The following CSMD2 variants were observed in gnomAD, a reference collection of about 807,000 sequenced individuals.
CSMD2 encodes CUB and sushi domain-containing protein 2.
In CSMD2, 130 loss-of-function variants were observed where a neutral mutation model predicts 398.5. The ratio of observed to expected loss-of-function variants is 0.33; its 90% CI spans 0.28 to 0.38. The LOEUF is 0.38. Among genes scored for constraint, CSMD2 ranks in the 10% least tolerant of loss-of-function variants. The pLI is 1.00. For synonymous variants in CSMD2, 1,828 were observed against 1,908.5 expected (o/e 0.96, Z 1.10); for missense variants, 3,829 against 4,764.9 (o/e 0.80, Z 5.78).
chr1:33,551,567 C>A (rs1657447754), intron 55 of CSMD2, among the ~76,000 whole-genome samples: 1 of 152,160 alleles, frequency 6.6e-6, no homozygotes, highest in Admixed American at 6.5e-5. Flanking sequence ...CCAGTGCTGA[C>A]CCTGATGATG....
intron 2 of CSMD2, among the ~76,000 whole-genome samples, chr1:34,039,318 T>C (rs767725874): frequency 6.6e-6 from 1 of 152,140 alleles, no homozygotes; most frequent in Non-Finnish European, 1.5e-5. Flanking sequence ...TGAATTCCCT[T>C]CCCCTTATCC....
At chr1:33,789,948 T>C (rs562748280) in intron 11 of CSMD2, among the ~76,000 whole-genome samples, 60 of 152,354 alleles carry the variant, frequency 3.9e-4, no homozygotes, top group African/African-American at 1.3e-3. Flanking sequence ...GGGCAAGTGG[T>C]TGAGCCTCTC....
chr1:33,884,350 A>G (rs1488651335), intron 5 of CSMD2, among the ~76,000 whole-genome samples: 1 of 149,412 alleles, frequency 6.7e-6, no homozygotes, highest in Non-Finnish European at 1.5e-5. Flanking sequence ...TTAAGATGCC[A>G]TCACCCCAGG....
chr1:33,990,580 T>C (rs1454365385), intron 3 of CSMD2, among the ~76,000 whole-genome samples: 1 of 152,146 alleles, frequency 6.6e-6, no homozygotes, highest in Non-Finnish European at 1.5e-5. Flanking sequence ...TTCCACACCC[T>C]GGGGAGAGGC....
At chr1:33,649,902 G>A (rs562582190) in intron 28 of CSMD2, among the ~76,000 whole-genome samples, 4 of 152,252 alleles carry the variant, frequency 2.6e-5, no homozygotes, top group Admixed American at 2.6e-4. Context: ...GGGGGACTGG[G>A]AGGCACGGGG....
At chr1:33,745,062 A>C (rs1470813296) in intron 13 of CSMD2, among the ~76,000 whole-genome samples, 1 of 152,258 alleles carries the variant, frequency 6.6e-6, no homozygotes, top group African/African-American at 2.4e-5. Flanking sequence ...ATGTCAGCCC[A>C]ATAATGTGAG....
chr1:33,530,482 C>A (rs1174832827), intron 64 of CSMD2, among the ~76,000 whole-genome samples: 2 of 152,084 alleles, frequency 1.3e-5, no homozygotes, highest in Admixed American at 1.3e-4. Flanking sequence ...GAAACTCTTG[C>A]ACATTGTTAG....
At chr1:33,626,397 C>G in intron 33 of CSMD2, 89 bp downstream of exon 33, 1 of 888,270 alleles carries the variant, frequency 1.1e-6, no homozygotes, top group Non-Finnish European at 1.7e-6. Context: ...GGGACTCAGA[C>G]TAGAGGTCAA....
chr1:33,585,212 G>T (rs1393404188), intron 46 of CSMD2, among the ~76,000 whole-genome samples: 2 of 152,214 alleles, frequency 1.3e-5, no homozygotes, highest in African/African-American at 4.8e-5. Flanking sequence ...CTTTAGACAG[G>T]CTTCCTGGGT....
intron 1 of CSMD2, among the ~76,000 whole-genome samples, chr1:34,126,519 A>G (rs925616833): frequency 6.6e-6 from 1 of 152,204 alleles, no homozygotes; most frequent in African/African-American, 2.4e-5. Flanking sequence ...CCCATCCCCC[A>G]AGTATTATGT....
At chr1:33,973,638 T>C (rs1015160576) in intron 3 of CSMD2, among the ~76,000 whole-genome samples, 1 of 152,110 alleles carries the variant, frequency 6.6e-6, no homozygotes, top group Non-Finnish European at 1.5e-5. Context: ...TGCAGGAAAA[T>C]GCACTTGAGG....
At chr1:34,043,553 C>T (rs1187395345) in intron 2 of CSMD2, among the ~76,000 whole-genome samples, 1 of 152,118 alleles carries the variant, frequency 6.6e-6, no homozygotes, top group East Asian at 1.9e-4. Flanking sequence ...TATCTATAAC[C>T]TTTTCACTAT....
intron 14 of CSMD2, among the ~76,000 whole-genome samples, chr1:33,741,018 GT>G (rs541011160): frequency 2.6e-5 from 4 of 152,286 alleles, no homozygotes; most frequent in African/African-American, 9.6e-5. Flanking sequence ...GAGGCTTCCA[GT>G]GATGACTGTT....
chr1:33,865,199 A>T (rs1234783209), intron 5 of CSMD2, among the ~76,000 whole-genome samples: 2 of 151,644 alleles, frequency 1.3e-5, no homozygotes, highest in Non-Finnish European at 2.9e-5. Context: ...AAGCAGTGGC[A>T]GGACTGGGAA....
At chr1:34,000,517 C>T (rs796619776) in intron 3 of CSMD2, among the ~76,000 whole-genome samples, 10 of 152,222 alleles carry the variant, frequency 6.6e-5, no homozygotes, top group African/African-American at 2.2e-4. Context: ...AATGCAGAAC[C>T]GCTCGGTTCA....
At chr1:34,044,187 G>T (rs751810207) in intron 2 of CSMD2, among the ~76,000 whole-genome samples, 14 of 152,084 alleles carry the variant, frequency 9.2e-5, no homozygotes, top group Admixed American at 5.2e-4. Flanking sequence ...AATACAACCA[G>T]ATTTTTCTGG....
intron 4 of CSMD2, among the ~76,000 whole-genome samples, chr1:33,921,425 G>T (rs1405793777): frequency 1.3e-5 from 2 of 152,320 alleles, no homozygotes; most frequent in South Asian, 4.1e-4. Flanking sequence ...ACAAGTGGGA[G>T]ATTTGCCAAT....
chr1:33,769,731 A>G (rs1651015805), intron 13 of CSMD2, among the ~76,000 whole-genome samples: 1 of 152,180 alleles, frequency 6.6e-6, no homozygotes, highest in Non-Finnish European at 1.5e-5. Flanking sequence ...ACAATACAAT[A>G]CTTTGCACCT....
chr1:33,630,947 T>G (rs1419402897), intron 32 of CSMD2, among the ~76,000 whole-genome samples: 1 of 152,092 alleles, frequency 6.6e-6, no homozygotes, highest in East Asian at 1.9e-4. Context: ...AAACATGTTC[T>G]TTATTACACA....
Sources: gnomAD v4.1 joint callset for allele counts (sites outside exome capture counted in the v4.1 genomes callset) on GRCh38, gnomAD v4.1.1 for gene constraint, MANE v1.5 for transcripts, NCBI Gene and HGNC (gene_info 2026-07-23, HGNC 2026-07-21) for gene names.